The following CHRM2 variants were observed in gnomAD, a reference collection of about 807,000 sequenced individuals.
CHRM2 encodes cholinergic receptor muscarinic 2.
A neutral mutation model predicts 25.0 loss-of-function variants in CHRM2; 8 were observed. The ratio of observed to expected loss-of-function variants is 0.32; its 90% CI spans 0.19 to 0.58. The LOEUF (loss-of-function observed/expected upper bound fraction) is 0.58. Among genes scored for constraint, CHRM2 ranks in the 20% least tolerant of loss-of-function variants. The pLI is 0.88. For missense variants in CHRM2, 440 were observed against 567.1 expected (o/e 0.78, Z 2.28); for synonymous variants, 202 against 205.7 (o/e 0.98, Z 0.15).
chr7:136,985,442 G>A (rs762098209), intron 2 of CHRM2, among the ~76,000 whole-genome samples: 84 of 136,602 alleles, frequency 6.1e-4, no homozygotes, highest in South Asian at 2.4e-4. Context: ...CCCGGCAGGC[G>A]AAGGTTGCAG....
chr7:136,915,081 A>C (rs190536378), intron 2 of CHRM2, among the ~76,000 whole-genome samples: 1 of 152,014 alleles, frequency 6.6e-6, no homozygotes, highest in Non-Finnish European at 1.5e-5. Flanking sequence ...TAGCATCATT[A>C]ATGAATTACA....
intron 2 of CHRM2, chr7:136,902,742 C>G (rs1488822420): frequency 5.3e-6 from 1 of 188,496 alleles, no homozygotes; most frequent in East Asian, 1.8e-4. Context: ...CTTTCTCCAC[C>G]ATACAATAAT....
chr7:136,977,005 C>T (rs1802146869), intron 2 of CHRM2, among the ~76,000 whole-genome samples: 1 of 152,154 alleles, frequency 6.6e-6, no homozygotes, highest in Non-Finnish European at 1.5e-5. Flanking sequence ...AAACACATAA[C>T]ATTCCTATTG....
At position 136,985,504 on chromosome 7, in the gene CHRM2, C is replaced by CAAAAA. The variant is rs974105875; in HGVS notation, c.-124-6663_-124-6659dup. On this transcript the variant is annotated intron_variant, in intron 2 of 3. Transcript: ENST00000680005. Reference sequence around the variant, plus strand: ...CAGCCTGGGTAACAGAGTTAGACTCCAAAAAAAAAAAAAAAAAAAAAAAAC... The same window carrying CAAAAA: ...CAGCCTGGGTAACAGAGTTAGACTCCAAAAAAAAAAAAAAAAAAAAAAAAAAAAAC... 6.4e-3 allele frequency among the ~76,000 whole-genome samples: 384 copies of CAAAAA among 59,598 alleles called. 1 individual carries two copies. Among genetic ancestry groups the CAAAAA allele is most frequent in the Non-Finnish European group, 8.2e-3 (292 of 35,788 alleles). 39.1% of individuals were successfully genotyped at this position (59,598 alleles called of 152,430 possible).
At chr7:137,010,232 T>TA (rs1430695451) in intron 3 of CHRM2, among the ~76,000 whole-genome samples, 5 of 152,082 alleles carry the variant, frequency 3.3e-5, no homozygotes, top group Admixed American at 3.3e-4. Context: ...AGGAAGATGT[T>TA]AAACTGTGGT....
At chr7:136,972,084 T>C (rs180984274) in intron 2 of CHRM2, among the ~76,000 whole-genome samples, 4 of 152,294 alleles carry the variant, frequency 2.6e-5, no homozygotes, top group Admixed American at 2.6e-4. Flanking sequence ...ATACTGAGCC[T>C]TGGAGGAATA....
intron 2 of CHRM2, among the ~76,000 whole-genome samples, chr7:136,891,068 A>C (rs1354693752): frequency 6.6e-6 from 1 of 152,264 alleles, no homozygotes; most frequent in Non-Finnish European, 1.5e-5. Flanking sequence ...TTAGAGTTAC[A>C]GAAATATTGC....
At chr7:136,951,318 C>T (rs544653642) in intron 2 of CHRM2, among the ~76,000 whole-genome samples, 2 of 152,302 alleles carry the variant, frequency 1.3e-5, no homozygotes, top group South Asian at 2.1e-4. Context: ...ACCAGCACAG[C>T]ACCTCCCAGT....
chr7:136,920,954 G>A (rs1798395225), intron 2 of CHRM2, among the ~76,000 whole-genome samples: 1 of 152,050 alleles, frequency 6.6e-6, no homozygotes, highest in Non-Finnish European at 1.5e-5. Flanking sequence ...AACTTCTGAT[G>A]TTACTTTCCC....
At chr7:136,924,017 A>C (rs1005283310) in intron 2 of CHRM2, among the ~76,000 whole-genome samples, 8 of 152,148 alleles carry the variant, frequency 5.3e-5, no homozygotes, top group African/African-American at 1.9e-4. Context: ...TTCCTCTAAA[A>C]ATAACAATAA....
At chr7:136,896,206 T>C (rs531059864) in intron 2 of CHRM2, among the ~76,000 whole-genome samples, 6 of 151,700 alleles carry the variant, frequency 4.0e-5, no homozygotes, top group Admixed American at 6.6e-5. Flanking sequence ...AATGAGGGGG[T>C]AGGAGTAGAT....
chr7:136,996,936 T>A (rs138082995), intron 3 of CHRM2, among the ~76,000 whole-genome samples: 1 of 152,156 alleles, frequency 6.6e-6, no homozygotes, highest in Non-Finnish European at 1.5e-5. Context: ...GAGTTAAGTA[T>A]AAAAATCCAG....
intron 2 of CHRM2, among the ~76,000 whole-genome samples, chr7:136,874,549 T>TCC (rs1393826512): frequency 1.2e-4 from 1 of 8,522 alleles, no homozygotes. Flanking sequence ...TCTTCCCCCA[T>TCC]GCCCTCCCTC....
At chr7:136,959,908 T>C (rs986719891) in intron 2 of CHRM2, among the ~76,000 whole-genome samples, 1 of 151,856 alleles carries the variant, frequency 6.6e-6, no homozygotes, top group Non-Finnish European at 1.5e-5. Context: ...CAAAACTCCG[T>C]CCAAAAAACA....
chr7:136,981,136 T>G (rs889140004), intron 2 of CHRM2, among the ~76,000 whole-genome samples: 1 of 152,202 alleles, frequency 6.6e-6, no homozygotes, highest in Admixed American at 6.5e-5. Flanking sequence ...TACTGGTCTA[T>G]TCAGGGATTC....
At position 136,941,571 on chromosome 7, in the gene CHRM2, G is replaced by A. The variant is rs78182931; in HGVS notation, c.-124-50616G>A. ...TTTCTTTCACGCAGCCGAGAGAGAG[G>A]CTTATCTTTTCCTATCCTGTTATTA... On this transcript the variant is annotated intron_variant, in intron 2 of 3. Coordinates refer to ENST00000680005, the MANE Select transcript of CHRM2 (RefSeq NM_001006630.2). Among the ~76,000 whole-genome samples, 116 of 152,224 alleles carry A rather than the reference G, an allele frequency of 7.6e-4. 3 individuals are homozygous for A. In the East Asian group the frequency reaches 0.018, roughly 24 times the overall value.
intron 2 of CHRM2, among the ~76,000 whole-genome samples, chr7:136,981,924 G>C (rs1802516437): frequency 6.6e-6 from 1 of 152,136 alleles, no homozygotes; most frequent in Non-Finnish European, 1.5e-5. Context: ...AGTATATTCT[G>C]TTGATTTGGG....
intron 2 of CHRM2, among the ~76,000 whole-genome samples, chr7:136,961,160 G>A (rs6952499): frequency 0.31 from 47,762 of 151,894 alleles, 8,077 homozygotes; most frequent in African/African-American, 0.45. Flanking sequence ...TATGCATTCA[G>A]TAGAAACCAT....
intron 2 of CHRM2, among the ~76,000 whole-genome samples, chr7:136,900,221 G>A (rs1383929148): frequency 3.3e-5 from 5 of 152,064 alleles, no homozygotes; most frequent in Admixed American, 3.3e-4. Flanking sequence ...CTGAGTCAGA[G>A]AGCAGCCCAA....
Sources: allele counts gnomAD v4.1 joint callset (sites outside exome capture counted in the v4.1 genomes callset), GRCh38; gene constraint gnomAD v4.1.1; transcripts MANE v1.5; gene names NCBI Gene and HGNC (gene_info 2026-07-23, HGNC 2026-07-21).